Variants in PALLD observed in about 807,000 individuals in gnomAD.
The protein encoded by PALLD is palladin.
In PALLD, 61 loss-of-function variants were observed where a neutral mutation model predicts 123.5. The ratio of observed to expected loss-of-function variants is 0.49; its 90% CI spans 0.40 to 0.61. The LOEUF is 0.61. PALLD is among the 20% of genes least tolerant of loss of function. The pLI is 0.00. For missense variants in PALLD, 1,273 were observed against 1,377.0 expected, an observed-to-expected ratio of 0.92 and a Z score of 1.20; for synonymous variants, 465 against 496.4, an observed-to-expected ratio of 0.94 and a Z score of 0.84.
At chr4:168,732,337 G>A (rs1787260540) in intron 10 of PALLD, among the ~76,000 whole-genome samples, 1 of 152,178 alleles carries the variant, frequency 6.6e-6, no homozygotes, top group Non-Finnish European at 1.5e-5. Flanking sequence ...GTGCTGAGTA[G>A]TAAATAACTT....
chr4:168,586,521 C>T (rs981138915), intron 2 of PALLD, among the ~76,000 whole-genome samples: 2 of 152,096 alleles, frequency 1.3e-5, no homozygotes, highest in Admixed American at 1.3e-4. Flanking sequence ...CCTCTCTTTA[C>T]TTTAGAACTG....
chr4:168,858,720 T>C (rs1274412701), intron 10 of PALLD, among the ~76,000 whole-genome samples: 1 of 151,770 alleles, frequency 6.6e-6, no homozygotes, highest in Non-Finnish European at 1.5e-5. Flanking sequence ...AGGTCGAGGC[T>C]GCAGTGAGCC....
chr4:168,905,121 T>C (rs1433010585), intron 15 of PALLD, among the ~76,000 whole-genome samples: 3 of 150,112 alleles, frequency 2.0e-5, no homozygotes, highest in Non-Finnish European at 3.0e-5. Context: ...AGTGAGACTT[T>C]GTTTTTTGTT....
At chr4:168,634,690 C>T (rs185264107) in intron 2 of PALLD, among the ~76,000 whole-genome samples, 157 of 152,202 alleles carry the variant, frequency 1.0e-3, no homozygotes, top group Non-Finnish European at 1.7e-3. Context: ...AAATGATTTG[C>T]GGTCAGAGTG....
intron 10 of PALLD, among the ~76,000 whole-genome samples, chr4:168,800,120 CT>C (rs1429090778): frequency 2.0e-5 from 3 of 152,112 alleles, no homozygotes; most frequent in Non-Finnish European, 4.4e-5. Context: ...TTAAAAGTTC[CT>C]CTTTTTATAA....
At chr4:168,634,065 G>A (rs1776099780) in intron 2 of PALLD, among the ~76,000 whole-genome samples, 1 of 152,164 alleles carries the variant, frequency 6.6e-6, no homozygotes, top group Admixed American at 6.5e-5. Flanking sequence ...CTCAGAACAA[G>A]CTCGGTGTCT....
Position 168,891,841 on chromosome 4 carries a change from T to TA in PALLD, c.2100+785dup, listed in dbSNP as rs960644266. ...TTTGTTTTCCATGGTATGTACTACTTACACACGCACACAAATCTACTAGAG... is the reference window on the plus strand; with the variant it reads ...TTTGTTTTCCATGGTATGTACTACTTAACACACGCACACAAATCTACTAGAG... On this transcript the variant is annotated intron_variant, in intron 11 of 21. Coordinates refer to ENST00000505667, the MANE Select transcript of PALLD (RefSeq NM_001166108.2). 9.3e-4 allele frequency among the ~76,000 whole-genome samples: 142 copies of TA among 152,314 alleles called. 1 individual carries two copies. Among genetic ancestry groups the TA allele is most frequent in the African/African-American group, 3.3e-3 (137 of 41,558 alleles).
chr4:168,742,277 C>G (rs960492014), intron 10 of PALLD, among the ~76,000 whole-genome samples: 2 of 152,176 alleles, frequency 1.3e-5, no homozygotes, highest in Admixed American at 1.3e-4. Context: ...TCTTTTTTAT[C>G]TGACCTATGC....
chr4:168,850,784 G>A (rs934401623), intron 10 of PALLD, among the ~76,000 whole-genome samples: 1 of 151,746 alleles, frequency 6.6e-6, no homozygotes, highest in East Asian at 1.9e-4. Context: ...CGCCCGCCTC[G>A]GCCTCCCAAA....
chr4:168,818,340 G>A (rs1742261780), intron 10 of PALLD, among the ~76,000 whole-genome samples: 1 of 152,048 alleles, frequency 6.6e-6, no homozygotes, highest in African/African-American at 2.4e-5. Flanking sequence ...GCTCACGCCT[G>A]TAATCCCAGC....
At chr4:168,764,895 A>G (rs1733452613) in intron 10 of PALLD, among the ~76,000 whole-genome samples, 2 of 152,188 alleles carry the variant, frequency 1.3e-5, no homozygotes, top group Non-Finnish European at 2.9e-5. Flanking sequence ...TGGTCAGAGC[A>G]TGCTGAGTGA....
intron 15 of PALLD, among the ~76,000 whole-genome samples, 185 bp from the exon 16 acceptor site, chr4:168,913,742 T>C (rs1759531375): frequency 6.6e-6 from 1 of 152,058 alleles, no homozygotes; most frequent in Non-Finnish European, 1.5e-5. Context: ...CAAGTAAAAA[T>C]AGTTTTACTG....
chr4:168,516,173 G>A (rs890542190), intron 2 of PALLD, among the ~76,000 whole-genome samples: 1 of 152,184 alleles, frequency 6.6e-6, no homozygotes, highest in African/African-American at 2.4e-5. Flanking sequence ...AAAAAAGGAC[G>A]TTATATACAA....
intron 2 of PALLD, among the ~76,000 whole-genome samples, chr4:168,569,378 C>G (rs942731605): frequency 1.3e-5 from 2 of 152,094 alleles, no homozygotes; most frequent in Admixed American, 6.6e-5. Context: ...CTCATTTAAT[C>G]CTACCATTTC....
chr4:168,631,267 T>C (rs945833796), intron 2 of PALLD, among the ~76,000 whole-genome samples: 2 of 152,206 alleles, frequency 1.3e-5, no homozygotes, highest in Admixed American at 1.3e-4. Flanking sequence ...TGGACGTTGA[T>C]TTCTTTTATC....
chr4:168,730,364 T>C (rs1398539526), intron 10 of PALLD, among the ~76,000 whole-genome samples: 1 of 152,242 alleles, frequency 6.6e-6, no homozygotes, highest in Non-Finnish European at 1.5e-5. Flanking sequence ...TGCAATCGTG[T>C]CCTTTGCCTC....
In PALLD at chr4:168,856,384, G is replaced by A. The variant is rs77066609; in HGVS notation, c.1965-34538G>A. On this transcript the variant is annotated intron_variant, in intron 10 of 21. Transcript: ENST00000505667. ...ATATACCCAATACTGGGATTGCTGA[G>A]TCTAATGGTAGTTCTATTTTTAGAA... Among the ~76,000 whole-genome samples, 642 of 152,292 alleles carry A rather than the reference G, an allele frequency of 4.2e-3. 2 individuals are homozygous for A. The highest frequency in any genetic ancestry group is 0.015 in the African/African-American group (614 of 41,566).
chr4:168,905,159 T>G (rs1211245335), intron 15 of PALLD, among the ~76,000 whole-genome samples: 10 of 138,438 alleles, frequency 7.2e-5, no homozygotes, highest in Admixed American at 3.6e-4. Flanking sequence ...TTTTTTTTTT[T>G]TTTTTTTTTG....
chr4:168,625,510 T>TATATATATAGATAGATAGATAGATAG (rs1775169660), intron 2 of PALLD, among the ~76,000 whole-genome samples: 1 of 65,100 alleles, frequency 1.5e-5, no homozygotes, highest in Non-Finnish European at 4.1e-5. Context: ...GAGATATATA[T>TATATATATAGATAGATAGATAGATAG]ATATATATCC....
Sources: gnomAD v4.1 joint callset for allele counts (sites outside exome capture counted in the v4.1 genomes callset) on GRCh38, gnomAD v4.1.1 for gene constraint, MANE v1.5 for transcripts, NCBI Gene and HGNC (gene_info 2026-07-23, HGNC 2026-07-21) for gene names.